OCIAD2: variants seen among roughly 807,000 people sequenced by gnomAD.
The protein encoded by OCIAD2 is OCIA domain-containing protein 2.
A neutral mutation model predicts 22.9 loss-of-function variants in OCIAD2; 29 were observed. The observed-to-expected ratio is 1.27, with a 90% confidence interval of 0.94 to 1.73. The LOEUF (loss-of-function observed/expected upper bound fraction) is 1.73, where lower values mean the gene tolerates loss of function less well. OCIAD2 is among the 40% of genes most tolerant of loss of function. The pLI is 0.00. For synonymous variants in OCIAD2, 67 were observed against 60.2 expected, an observed-to-expected ratio of 1.11 and a Z score of -0.52; for missense variants, 189 against 180.3, an observed-to-expected ratio of 1.05 and a Z score of -0.28.
chr4:48,897,538 T>G (rs1163142549), intron 4 of OCIAD2, among the ~76,000 whole-genome samples: 2 of 152,190 alleles, frequency 1.3e-5, no homozygotes, highest in Non-Finnish European at 2.9e-5. Context: ...CCCAGGATAC[T>G]CTCCCTATTT....
chr4:48,902,179 T>TA (rs1335092606), intron 2 of OCIAD2, among the ~76,000 whole-genome samples: 2 of 152,230 alleles, frequency 1.3e-5, no homozygotes, highest in Non-Finnish European at 2.9e-5. Context: ...TCCAAGGTTT[T>TA]AGTGTTTTTC....
Position 48,905,228 on chromosome 4 carries a change from C to G in OCIAD2, c.-62-617G>C, listed in dbSNP as rs570607321. On this transcript the variant is annotated intron_variant, in intron 1 of 6. Coordinates refer to ENST00000508632, the MANE Select transcript of OCIAD2 (RefSeq NM_001014446.3). ...GGATTTGGGTGCCTGTGGGGGCAAACAGTGGAATTAGCCACTGTTAATATT... is the reference window on the plus strand; with the variant it reads ...GGATTTGGGTGCCTGTGGGGGCAAAGAGTGGAATTAGCCACTGTTAATATT... 2.0e-5 allele frequency among the ~76,000 whole-genome samples: 3 copies of G among 152,148 alleles called. No homozygotes were observed. The East Asian group carries it at 5.8e-4, about 29-fold the overall frequency.
chr4:48,896,511 C>T (rs753126115), intron 4 of OCIAD2, among the ~76,000 whole-genome samples: 10 of 152,164 alleles, frequency 6.6e-5, no homozygotes, highest in Admixed American at 3.9e-4. Context: ...GAGCGTCACT[C>T]GAGCCCAGGA....
intron 4 of OCIAD2, 66 bp from the exon 5 acceptor site, chr4:48,894,119 T>C: frequency 1.2e-6 from 1 of 831,152 alleles, no homozygotes; most frequent in Non-Finnish European, 1.7e-6. Context: ...TTATAAATTA[T>C]AAGTTATTCT....
rs7676916 is a variant in OCIAD2 at position 48,899,861 on chromosome 4, C to T, written c.131G>A (p.Arg44Gln). Residue 44 changes from arginine (R) to glutamine (Q), a missense_variant, in exon 3 of 7, where the codon CGA becomes CAA. Arg to Gln is a conservative substitution (Grantham distance 43). Transcript: ENST00000508632. ...CCAGAAACTTTCTTCCTGACATTCT[C>T]GCATAATCTTTGAGATCTCTGCTCT... is the stretch of plus-strand genomic sequence containing the variant. ...IHRAEISKIM[R>Q]ECQEESFWKR... The T allele has an allele frequency of 5.8e-4, 929 of 1,613,652 alleles. 6 individuals carry two copies. In the African/African-American group the frequency reaches 0.011, roughly 19 times the overall value.
intron 6 of OCIAD2, among the ~76,000 whole-genome samples, chr4:48,889,663 G>C (rs1781107864): frequency 6.6e-6 from 1 of 152,232 alleles, no homozygotes; most frequent in Non-Finnish European, 1.5e-5. Flanking sequence ...TGGTGGGACT[G>C]TAAAGTAGTT....
chr4:48,890,100 T>C (rs1337289371), intron 6 of OCIAD2, among the ~76,000 whole-genome samples: 4 of 105,206 alleles, frequency 3.8e-5, no homozygotes, highest in Non-Finnish European at 5.6e-5. Context: ...ATACCGGGGC[T>C]TGTTGTGGGG....
At chr4:48,904,434 G>A in intron 2 of OCIAD2, 50 bp downstream of exon 2, 1 of 1,499,196 alleles carries the variant, frequency 6.7e-7, no homozygotes, top group Non-Finnish European at 9.3e-7. Context: ...GGGTGACAGT[G>A]TGAGATCGTG....
intron 2 of OCIAD2, among the ~76,000 whole-genome samples, chr4:48,902,868 G>A (rs1781445224): frequency 6.6e-6 from 1 of 152,048 alleles, no homozygotes; most frequent in Non-Finnish European, 1.5e-5. Context: ...TAGGAGAATT[G>A]CTTGAACCCA....
chr4:48,886,303 A>C (rs541092002), intron 6 of OCIAD2, among the ~76,000 whole-genome samples: 11 of 152,308 alleles, frequency 7.2e-5, no homozygotes, highest in African/African-American at 2.6e-4. Context: ...TTTTGGTACC[A>C]GTACCATGCT....
At chr4:48,889,401 A>C in intron 6 of OCIAD2, among the ~76,000 whole-genome samples, 1 of 152,218 alleles carries the variant, frequency 6.6e-6, no homozygotes, top group East Asian at 1.9e-4. Context: ...AAAGAACTCA[A>C]ACAAATTTAC....
intron 5 of OCIAD2, chr4:48,893,282 T>G (rs1360594526): frequency 6.5e-6 from 1 of 154,132 alleles, no homozygotes; most frequent in Non-Finnish European, 1.4e-5. Flanking sequence ...AGTGGAGAGC[T>G]TCAGTCCATC....
chr4:48,887,918 T>C (rs2109664970), intron 6 of OCIAD2, among the ~76,000 whole-genome samples: 1 of 152,306 alleles, frequency 6.6e-6, no homozygotes, highest in South Asian at 2.1e-4. Context: ...AATCTATGAA[T>C]TACCTTGGGC....
intron 4 of OCIAD2, among the ~76,000 whole-genome samples, chr4:48,894,838 T>C (rs1481744433): frequency 6.6e-6 from 1 of 152,220 alleles, no homozygotes; most frequent in Non-Finnish European, 1.5e-5. Context: ...GTAGTTAGAA[T>C]AATGGCCTTT....
chr4:48,887,844 T>C (rs1427757826), intron 6 of OCIAD2, among the ~76,000 whole-genome samples: 8 of 152,128 alleles, frequency 5.3e-5, no homozygotes, highest in African/African-American at 1.4e-4. Flanking sequence ...TCCATATGAA[T>C]TTTAAGGTAG....
intron 2 of OCIAD2, among the ~76,000 whole-genome samples, chr4:48,903,811 A>T (rs1560462136): frequency 6.6e-6 from 1 of 151,386 alleles, no homozygotes; most frequent in Admixed American, 6.6e-5. Flanking sequence ...ATGCCCGGCT[A>T]TTTTTTTGTA....
intron 3 of OCIAD2, among the ~76,000 whole-genome samples, chr4:48,899,354 T>A (rs1781368386): frequency 6.6e-6 from 1 of 152,204 alleles, no homozygotes; most frequent in South Asian, 2.1e-4. Flanking sequence ...AGAGACAGTG[T>A]AAGCGAAGTA....
chr4:48,901,241 C>T (rs1781408526), intron 2 of OCIAD2, among the ~76,000 whole-genome samples: 1 of 152,020 alleles, frequency 6.6e-6, no homozygotes, highest in Non-Finnish European at 1.5e-5. Context: ...TGCTGCATAA[C>T]TGTGCACAAT....
At position 48,899,913 on chromosome 4, in the gene OCIAD2, A is replaced by G; in HGVS notation, c.79T>C (p.Cys27Arg). ...TGGATGTGCAGTTTTGATTTTGGAC[A>G]AAACAACAGGCTCTGTAAGGAAAGT... Reference protein sequence around the residue: ...PPPSKQSLLFCPKSKLHIHRA... With the variant: ...PPPSKQSLLFRPKSKLHIHRA... The change falls in exon 3 of 7, where the codon TGT (cysteine) becomes CGT (arginine). Residue 27 changes from cysteine (C) to arginine (R), a missense_variant. Physicochemically the swap from Cys to Arg is radical, Grantham distance 180 (BLOSUM62 -3). Transcript: ENST00000508632. 2 of 1,613,368 alleles carry G rather than the reference A, an allele frequency of 1.2e-6. No homozygotes were observed. The highest frequency in any genetic ancestry group is 1.7e-6 in the Non-Finnish European group (2 of 1,179,536).
Sources: allele counts gnomAD v4.1 joint callset (sites outside exome capture counted in the v4.1 genomes callset), GRCh38; gene constraint gnomAD v4.1.1; transcripts MANE v1.5; gene names NCBI Gene and HGNC (gene_info 2026-07-23, HGNC 2026-07-21).